Variants in DPH7 observed in about 807,000 individuals in gnomAD.
DPH7 encodes diphthamide biosynthesis 7, also known as diphthine methyltransferase.
A neutral mutation model predicts 41.7 loss-of-function variants in DPH7; 44 were observed. The observed-to-expected ratio is 1.05, with a 90% CI of 0.83 to 1.36. DPH7 has a LOEUF of 1.36. DPH7 is among the 40% of genes most tolerant of loss of function. DPH7 has a pLI of 0.00. For synonymous variants in DPH7, 275 were observed against 238.0 expected (o/e 1.16, Z -1.43); for missense variants, 629 against 577.5 (o/e 1.09, Z -0.91).
At position 137,574,822 on chromosome 9, in the gene DPH7, A is replaced by G; in HGVS notation, c.397T>C (p.Leu133=). The G allele has an allele frequency of 6.2e-7, 1 of 1,614,012 alleles. No homozygotes were observed. The highest frequency in any genetic ancestry group is 2.2e-5 in the East Asian group (1 of 44,870). The part of the protein sequence containing the change: ...ESEKSHVLEP[L]SSLALEEQCL... ...TGCTCCTCCAGGGCAAGGCTGGACA[A>G]TGGCTCCAGCACGTGGCTCTTCTAC... Residue 133 remains leucine, a synonymous_variant, in exon 4 of 9, where the codon TTG becomes CTG. Transcript: ENST00000277540.
intron 8 of DPH7, among the ~76,000 whole-genome samples, chr9:137,562,464 C>T (rs550610776): frequency 1.3e-5 from 2 of 151,672 alleles, no homozygotes; most frequent in Admixed American, 1.3e-4. Flanking sequence ...AACCAATGGT[C>T]GAAGAAAAAA....
chr9:137,577,414 T>A, intron 2 of DPH7, 56 bp downstream of exon 2: 2 of 1,559,834 alleles, frequency 1.3e-6, no homozygotes, highest in Non-Finnish European at 1.8e-6. Context: ...GCATCAGGCT[T>A]CCCTGATTGC....
intron 2 of DPH7, among the ~76,000 whole-genome samples, chr9:137,577,040 C>A (rs1841532709): frequency 6.8e-6 from 1 of 147,580 alleles, no homozygotes; most frequent in Non-Finnish European, 1.5e-5. Context: ...GGCAACGGAA[C>A]AAAACCCTGC....
At chr9:137,571,552 C>T (rs1038085568) in intron 5 of DPH7, among the ~76,000 whole-genome samples, 1 of 152,098 alleles carries the variant, frequency 6.6e-6, no homozygotes, top group Non-Finnish European at 1.5e-5. Flanking sequence ...CACTGGGAGG[C>T]TGAGGCAGGT....
chr9:137,561,108 G>A (rs1838501278), intron 8 of DPH7, among the ~76,000 whole-genome samples: 2 of 151,894 alleles, frequency 1.3e-5, no homozygotes, highest in Non-Finnish European at 1.5e-5. Flanking sequence ...CTCTGAATTG[G>A]GTAAAAGTCT....
rs1032352241 is a variant in DPH7, at chr9:137,569,155, TGAA to T, written c.641-4004_641-4002del. Among the ~76,000 whole-genome samples, 5 of 150,862 alleles carry T rather than the reference TGAA, an allele frequency of 3.3e-5. No individual in the cohort carries two copies. The East Asian group carries it at 5.8e-4, about 18-fold the overall frequency. On this transcript the variant is annotated intron_variant, in intron 5 of 8. Coordinates refer to ENST00000277540, the MANE Select transcript of DPH7 (RefSeq NM_138778.5). The stretch of plus-strand genomic sequence containing the variant: ...TCAAGAGCAGGGCCCACAGGGAGAG[TGAA>T]GAAGATCAGAAGGAAAACGTCTAGG...
chr9:137,563,161 CGAT>C (rs1223375795), intron 8 of DPH7, among the ~76,000 whole-genome samples: 2 of 148,458 alleles, frequency 1.3e-5, no homozygotes, highest in African/African-American at 5.0e-5. Context: ...AAACAAAAAA[CGAT>C]GAGAAATACA....
Position 137,578,648 on chromosome 9 carries a change from G to A in DPH7, c.130C>T (p.Arg44Trp). The A allele has an allele frequency of 1.3e-6, 2 of 1,486,482 alleles. No individual in the cohort carries two copies. Among genetic ancestry groups the A allele is most frequent in the Non-Finnish European group, 1.8e-6 (2 of 1,118,522 alleles). The allele number at this position is 1,486,482 out of a possible 1,614,324, so 92.1% of individuals were successfully genotyped here. ...ACCTTGTTCTGGGGGCCGGCAGGCC[G>A]GTCCTCCGGCCGCCGCAGCTGGTAG... ...GTYQLRRPED[R>W]PAGPQNKGGM... Residue 44 changes from arginine (R) to tryptophan (W), a missense_variant, in exon 1 of 9, where the codon CGG (arginine) becomes TGG (tryptophan). Coordinates refer to ENST00000277540, the MANE Select transcript of DPH7 (RefSeq NM_138778.5).
chr9:137,563,467 G>A (rs1164236785), intron 8 of DPH7, among the ~76,000 whole-genome samples: 1 of 150,856 alleles, frequency 6.6e-6, no homozygotes, highest in Non-Finnish European at 1.5e-5. Flanking sequence ...AGGAGGCGAA[G>A]GCTGTGGTGA....
At chr9:137,575,197 C>T (rs955272479) in intron 3 of DPH7, 17 of 1,015,970 alleles carry the variant, frequency 1.7e-5, no homozygotes, top group Non-Finnish European at 2.0e-5. Flanking sequence ...CAGTTTCCCA[C>T]CCCAGGCCTC....
rs962121903 is a variant in DPH7, at chr9:137,578,826, G to A, written c.-49C>T. On this transcript the variant is annotated 5_prime_UTR_variant, in exon 1 of 9. Transcript: ENST00000277540. ...AGCCGGCAGTAGAGGCGGGTCGGCG[G>A]GGCCGGGCTGGGTACTGCGCGGGGC... 2.2e-6 allele frequency: 3 copies of A among 1,383,292 alleles called. No homozygotes were observed. The highest frequency in any genetic ancestry group is 2.8e-6 in the Non-Finnish European group (3 of 1,065,522). The allele number at this position is 1,383,292 out of a possible 1,614,324, so 85.7% of individuals were successfully genotyped here. A position where few individuals can be genotyped will look rare whatever the true frequency, so the allele number is the denominator to read the frequency against.
Position 137,556,368 on chromosome 9 carries a change from T to G in DPH7, c.950-720A>C, listed in dbSNP as rs1588768273. 6.6e-6 allele frequency among the ~76,000 whole-genome samples: 1 copy of G among 152,078 alleles called. No individual in the cohort carries two copies. Among genetic ancestry groups the G allele is most frequent in the Admixed American group, 6.6e-5 (1 of 15,264 alleles). On this transcript the variant is annotated intron_variant, in intron 8 of 8. Coordinates refer to ENST00000277540, the MANE Select transcript of DPH7 (RefSeq NM_138778.5). This position sits in a 1 kb window ranked among gnomAD's most constrained non-coding sequence, Gnocchi z 5.2. ...GCAGTTGCAGAGAGCAAGTGGAAGG[T>G]GAGCCAGGGGCTGCAAGGCTGGGTG...
At chr9:137,576,803 T>C (rs543959725) in intron 2 of DPH7, among the ~76,000 whole-genome samples, 4 of 150,996 alleles carry the variant, frequency 2.6e-5, no homozygotes, top group Non-Finnish European at 5.9e-5. Flanking sequence ...CGCAGGAGAA[T>C]GGCGTGAACT....
At position 137,554,465 on chromosome 9, in the gene DPH7, ATTAT is replaced by A. The variant is rs1273642234; in HGVS notation, c.*770_*773del. On this transcript the variant is annotated 3_prime_UTR_variant, in exon 9 of 9. Transcript: ENST00000277540. Reference sequence around the variant, plus strand: ...TCAATTATTGTTTATACAATTTTTTATTATTTAATTTTTAGAGATAAGAGTCTTG... The same window carrying A: ...TCAATTATTGTTTATACAATTTTTTATTAATTTTTAGAGATAAGAGTCTTG... Among the ~76,000 whole-genome samples the A allele has an allele frequency of 4.6e-5, 7 of 152,244 alleles. No individual in the cohort carries two copies. Among genetic ancestry groups the A allele is most frequent in the Admixed American group, 6.5e-5 (1 of 15,276 alleles).
At chr9:137,559,100 T>C (rs961938869) in intron 8 of DPH7, among the ~76,000 whole-genome samples, 1 of 152,248 alleles carries the variant, frequency 6.6e-6, no homozygotes, top group African/African-American at 2.4e-5. Flanking sequence ...AATGATTATA[T>C]ATGAATATCA....
Position 137,574,217 on chromosome 9 carries a change from C to T in DPH7, c.631G>A (p.Val211Met), listed in dbSNP as rs866304553. The change falls in exon 5 of 9, where the codon GTG becomes ATG. Residue 211 changes from valine to methionine, a missense_variant. Val to Met is a conservative substitution (Grantham distance 21). Coordinates refer to ENST00000277540, the MANE Select transcript of DPH7 (RefSeq NM_138778.5). ...GTGGAGGAATACTGACCTGAATACA[C>T]AATTTCTGGATGCCAGTAATTGAAA... Reference protein sequence around the residue: ...AAFNYWHPEIVYSGGDDGLLR... With the variant: ...AAFNYWHPEIMYSGGDDGLLR... 8 of 1,614,002 alleles carry T rather than the reference C, an allele frequency of 5.0e-6. No individual in the cohort carries two copies. In the African/African-American group the frequency reaches 9.3e-5, roughly 19 times the overall value.
intron 8 of DPH7, 60 bp downstream of exon 8, chr9:137,564,374 C>T (rs1891625): frequency 2.0e-5 from 31 of 1,558,598 alleles, no homozygotes; most frequent in Middle Eastern, 2.2e-4. Context: ...CCCAGCAGAG[C>T]GAGGGGGCAG....
rs1840550421 is a variant in DPH7, at chr9:137,572,167, C to T, written c.640+2041G>A. Among the ~76,000 whole-genome samples, 3 of 152,280 alleles carry T rather than the reference C, an allele frequency of 2.0e-5. No individual in the cohort carries two copies. The South Asian group carries it at 6.2e-4, about 32-fold the overall frequency. ...CTGGGGTGGAAGGACAGCTGCTCTG[C>T]GTCAGTCTTCTAAGGACAAGATTTT... is the stretch of plus-strand genomic sequence containing the variant. On this transcript the variant is annotated intron_variant, in intron 5 of 8. Transcript: ENST00000277540.
At chr9:137,558,409 A>C (rs1347905994) in intron 8 of DPH7, among the ~76,000 whole-genome samples, 1 of 152,154 alleles carries the variant, frequency 6.6e-6, no homozygotes, top group Non-Finnish European at 1.5e-5. Flanking sequence ...TAAAAAAAAA[A>C]CTAAAAACTC....
Sources: gnomAD v4.1 joint callset for allele counts (sites outside exome capture counted in the v4.1 genomes callset) on GRCh38, gnomAD v4.1.1 for gene constraint, Gnocchi (gnomAD v3.1) non-coding constraint, MANE v1.5 for transcripts, NCBI Gene and HGNC (gene_info 2026-07-23, HGNC 2026-07-21) for gene names.